The following ZNF385D variants were observed in gnomAD, a reference collection of about 807,000 sequenced individuals.
ZNF385D encodes the protein zinc finger protein 385D.
ZNF385D carries 15 observed loss-of-function variants against 35.8 expected under a neutral mutation model. The ratio of observed to expected loss-of-function variants is 0.42; its 90% CI spans 0.28 to 0.64. The LOEUF (loss-of-function observed/expected upper bound fraction) is 0.64. ZNF385D is among the 30% of genes least tolerant of loss of function. ZNF385D has a pLI of 0.23. For missense variants in ZNF385D, 474 were observed against 494.6 expected (o/e 0.96, Z 0.39); for synonymous variants, 212 against 186.8 (o/e 1.13, Z -1.10).
intron 3 of ZNF385D, among the ~76,000 whole-genome samples, chr3:21,816,459 G>C (rs2073153385): frequency 6.6e-6 from 1 of 152,216 alleles, no homozygotes; most frequent in East Asian, 1.9e-4. Flanking sequence ...ATCTCCTTAA[G>C]CTGTTAAGCA....
At chr3:21,757,134 T>TTGTTTTTG (rs1553654009) in intron 3 of ZNF385D, among the ~76,000 whole-genome samples, 16 of 128,276 alleles carry the variant, frequency 1.2e-4, no homozygotes, top group African/African-American at 4.1e-4. Context: ...TTTTTTTTTT[T>TTGTTTTTG]TTTTTGTTTT....
chr3:21,665,065 C>CAT (rs764476442), intron 1 of ZNF385D, 37 bp from the exon 2 acceptor site: 4 of 1,532,754 alleles, frequency 2.6e-6, no homozygotes, highest in Non-Finnish European at 3.5e-6. Context: ...ATCAGGGACA[C>CAT]CACGCATGGA....
rs1259008791 is a variant in ZNF385D at position 21,564,656 on chromosome 3, T to C, written c.194A>G (p.Asn65Ser). ...AMDPIQKAVI[N>S]HTFGVPLPHR... ...GGGAAGAGGAACCCCGAATGTATGG[T>C]TTATTACAGCTTTCTGAATCGGGTC... The change falls in exon 3 of 8, where the codon AAC becomes AGC. Residue 65 changes from asparagine to serine, a missense_variant. By Grantham distance (46) the Asn-to-Ser change is conservative (BLOSUM62 1). Transcript: ENST00000281523. 1 of 1,585,636 alleles carries C rather than the reference T, an allele frequency of 6.3e-7. No homozygotes were observed. Among genetic ancestry groups the C allele is most frequent in the Non-Finnish European group, 8.6e-7 (1 of 1,166,446 alleles).
At chr3:21,689,007 A>T (rs1385536851) in intron 1 of ZNF385D, among the ~76,000 whole-genome samples, 1 of 152,160 alleles carries the variant, frequency 6.6e-6, no homozygotes. Flanking sequence ...GTGACAAAGT[A>T]AGATTACCTG....
At chr3:21,722,787 A>G (rs1022847457) in intron 1 of ZNF385D, among the ~76,000 whole-genome samples, 1 of 152,190 alleles carries the variant, frequency 6.6e-6, no homozygotes, top group Non-Finnish European at 1.5e-5. Flanking sequence ...AGGTCCTAGA[A>G]CTTGCAAGTG....
chr3:21,483,897 T>G (rs1167289854), intron 4 of ZNF385D, among the ~76,000 whole-genome samples: 3 of 152,212 alleles, frequency 2.0e-5, no homozygotes, highest in Non-Finnish European at 4.4e-5. Flanking sequence ...AAGTTTTTAA[T>G]TTTGATGAAA....
chr3:21,919,689 C>T (rs1365262486), intron 3 of ZNF385D, among the ~76,000 whole-genome samples: 1 of 152,150 alleles, frequency 6.6e-6, no homozygotes, highest in East Asian at 1.9e-4. Context: ...CATATAATTC[C>T]CCTTTGTCTT....
chr3:22,108,881 A>G (rs1702364441), intron 3 of ZNF385D, among the ~76,000 whole-genome samples: 1 of 151,988 alleles, frequency 6.6e-6, no homozygotes, highest in South Asian at 2.1e-4. Context: ...GTGCGGTGGT[A>G]GGTGCTTGTA....
At chr3:21,833,365 T>C (rs1022956785) in intron 3 of ZNF385D, among the ~76,000 whole-genome samples, 1 of 152,190 alleles carries the variant, frequency 6.6e-6, no homozygotes, top group African/African-American at 2.4e-5. Flanking sequence ...AGAAAAAGGT[T>C]ACCCTGCATT....
At chr3:21,788,413 G>T (rs188951091) in intron 3 of ZNF385D, among the ~76,000 whole-genome samples, 1 of 151,960 alleles carries the variant, frequency 6.6e-6, no homozygotes, top group Non-Finnish European at 1.5e-5. Flanking sequence ...GGGAGGCAGA[G>T]GTTGCAGTGA....
At chr3:21,815,772 TC>T (rs2073120649) in intron 3 of ZNF385D, among the ~76,000 whole-genome samples, 1 of 152,084 alleles carries the variant, frequency 6.6e-6, no homozygotes, top group Non-Finnish European at 1.5e-5. Flanking sequence ...CTGGTACCAT[TC>T]CTTCTGAAAC....
chr3:22,143,059 T>TTGTGTTTG (rs1553616227), intron 3 of ZNF385D, among the ~76,000 whole-genome samples: 24 of 140,996 alleles, frequency 1.7e-4, no homozygotes, highest in Non-Finnish European at 3.2e-4. Context: ...ATTAAATCGG[T>TTGTGTTTG]TGTGTGTGTG....
intron 3 of ZNF385D, among the ~76,000 whole-genome samples, chr3:21,875,243 T>C (rs672930): frequency 0.12 from 17,457 of 141,458 alleles, 1,495 homozygotes; most frequent in Middle Eastern, 0.19. Flanking sequence ...GTCTTTTTAT[T>C]TCTTTTTTTT....
chr3:21,891,648 G>A (rs1250233311), intron 3 of ZNF385D, among the ~76,000 whole-genome samples: 1 of 152,196 alleles, frequency 6.6e-6, no homozygotes, highest in Non-Finnish European at 1.5e-5. Context: ...TGTCACAGCA[G>A]TGGAAAATGT....
intron 2 of ZNF385D, among the ~76,000 whole-genome samples, chr3:22,270,045 G>C (rs1701095180): frequency 6.6e-6 from 1 of 151,832 alleles, no homozygotes; most frequent in African/African-American, 2.4e-5. Context: ...CAGACTCTCT[G>C]GGGTGGAATC....
At chr3:21,959,253 A>G (rs1346757084) in intron 3 of ZNF385D, among the ~76,000 whole-genome samples, 1 of 152,204 alleles carries the variant, frequency 6.6e-6, no homozygotes, top group Non-Finnish European at 1.5e-5. Flanking sequence ...TGCCTACAAC[A>G]GATAAGAAAA....
intron 3 of ZNF385D, among the ~76,000 whole-genome samples, chr3:22,140,415 G>T (rs900912150): frequency 9.9e-5 from 15 of 152,118 alleles, no homozygotes; most frequent in African/African-American, 3.6e-4. Flanking sequence ...TTGGGGAAAG[G>T]GAGTTAGAGA....
chr3:22,048,283 T>C (rs1440932680), intron 3 of ZNF385D, among the ~76,000 whole-genome samples: 1 of 152,118 alleles, frequency 6.6e-6, no homozygotes, highest in East Asian at 1.9e-4. Context: ...AGCCTATTTT[T>C]CCTTTTGTTC....
At chr3:22,161,773 A>G (rs1015919321) in intron 3 of ZNF385D, among the ~76,000 whole-genome samples, 14 of 152,208 alleles carry the variant, frequency 9.2e-5, no homozygotes, top group Non-Finnish European at 1.5e-4. Flanking sequence ...TAAGGAAAAC[A>G]TCAGCTTTGC....
Sources: gnomAD v4.1 joint callset for allele counts (sites outside exome capture counted in the v4.1 genomes callset) on GRCh38, gnomAD v4.1.1 for gene constraint, MANE v1.5 for transcripts, NCBI Gene and HGNC (gene_info 2026-07-23, HGNC 2026-07-21) for gene names.